The following NELL1 variants were observed in gnomAD, a reference collection of about 807,000 sequenced individuals.
NELL1 encodes the protein protein kinase C-binding protein NELL1.
NELL1 carries 76 observed loss-of-function variants against 107.4 expected under a neutral mutation model. The observed-to-expected ratio is 0.71, with a 90% CI of 0.59 to 0.86. The LOEUF is 0.86. NELL1 is among the 40% of genes least tolerant of loss of function. The probability of loss-of-function intolerance (pLI) is 0.00; values close to 1 mark genes in which losing one functional copy is unlikely to be tolerated. For synonymous variants in NELL1, 353 were observed against 341.2 expected (o/e 1.03, Z -0.38); for missense variants, 1,024 against 1,005.5 (o/e 1.02, Z -0.25).
intron 5 of NELL1, among the ~76,000 whole-genome samples, chr11:20,896,702 A>C (rs920569597): frequency 6.6e-6 from 1 of 152,208 alleles, no homozygotes; most frequent in Non-Finnish European, 1.5e-5. Context: ...CTGATAAACA[A>C]CTTCAGCAAA....
At chr11:20,806,458 G>C (rs1460985542) in intron 3 of NELL1, among the ~76,000 whole-genome samples, 1 of 151,934 alleles carries the variant, frequency 6.6e-6, no homozygotes, top group African/African-American at 2.4e-5. Context: ...TTGCCTTTAG[G>C]ATCCTTTCTT....
At chr11:21,553,811 A>G (rs575387853) in intron 16 of NELL1, among the ~76,000 whole-genome samples, 1 of 152,054 alleles carries the variant, frequency 6.6e-6, no homozygotes, top group African/African-American at 2.4e-5. Flanking sequence ...AGCTAAGCAT[A>G]CAAGAAAACA....
intron 3 of NELL1, among the ~76,000 whole-genome samples, chr11:20,790,722 G>A (rs1455480432): frequency 6.6e-6 from 1 of 151,948 alleles, no homozygotes; most frequent in Non-Finnish European, 1.5e-5. Context: ...CTGCTCTACG[G>A]GGCAGGAGGC....
intron 12 of NELL1, among the ~76,000 whole-genome samples, chr11:21,032,720 G>A (rs959166916): frequency 1.3e-5 from 2 of 152,074 alleles, no homozygotes; most frequent in African/African-American, 4.8e-5. Flanking sequence ...ACATCTCTTT[G>A]TCTTTCTTGT....
intron 14 of NELL1, among the ~76,000 whole-genome samples, chr11:21,359,665 T>C (rs987792886): frequency 6.6e-6 from 1 of 152,134 alleles, no homozygotes; most frequent in Non-Finnish European, 1.5e-5. Flanking sequence ...AATTACTGTT[T>C]CAATCTCACT....
chr11:20,712,085 A>G (rs887952013), intron 2 of NELL1, among the ~76,000 whole-genome samples: 1 of 152,094 alleles, frequency 6.6e-6, no homozygotes, highest in Non-Finnish European at 1.5e-5. Flanking sequence ...AGGAGCACCA[A>G]TTATTCTTAG....
intron 14 of NELL1, among the ~76,000 whole-genome samples, chr11:21,359,580 ATTC>A (rs1168581349): frequency 6.6e-6 from 1 of 152,124 alleles, no homozygotes; most frequent in Non-Finnish European, 1.5e-5. Flanking sequence ...ATTGGTACCA[ATTC>A]TTCTTTCAAT....
intron 12 of NELL1, among the ~76,000 whole-genome samples, chr11:21,056,052 A>G (rs1853607501): frequency 6.6e-6 from 1 of 152,148 alleles, no homozygotes; most frequent in African/African-American, 2.4e-5. Flanking sequence ...GGATTAATGC[A>G]TTTAATCTTC....
In NELL1 at chr11:21,570,925, G is replaced by A. The variant is rs1261855600; in HGVS notation, c.2142G>A (p.Gln714=). 6 of 1,611,266 alleles carry A rather than the reference G, an allele frequency of 3.7e-6. No individual in the cohort carries two copies. The African/African-American group carries it at 5.4e-5, about 14-fold the overall frequency. ...GAGACAATTGGACCCATAGCTGTCA[G>A]CAGTGTCGGTGTCTGGTATGTTGGC... The part of the protein sequence containing the change: ...RSGDNWTHSC[Q]QCRCLEGEVD... Residue 714 remains glutamine, a synonymous_variant, in exon 18 of 20, where the codon CAG becomes CAA. Transcript: ENST00000357134.
intron 2 of NELL1, among the ~76,000 whole-genome samples, chr11:20,691,745 C>CT (rs1208806090): frequency 2.0e-5 from 3 of 151,696 alleles, no homozygotes; most frequent in Non-Finnish European, 2.9e-5. Flanking sequence ...CTAAAATTCT[C>CT]TTTTTTGGTT....
chr11:21,460,859 G>A (rs1457188206), intron 15 of NELL1, among the ~76,000 whole-genome samples: 1 of 152,084 alleles, frequency 6.6e-6, no homozygotes, highest in African/African-American at 2.4e-5. Context: ...GAGGCAAATA[G>A]GTGAACGAGA....
chr11:20,910,287 T>A (rs1850097785), intron 5 of NELL1, among the ~76,000 whole-genome samples: 1 of 152,186 alleles, frequency 6.6e-6, no homozygotes, highest in Non-Finnish European at 1.5e-5. Context: ...TGGCACACCA[T>A]CACTTCCACA....
chr11:21,559,574 C>A (rs1856803139), intron 16 of NELL1, among the ~76,000 whole-genome samples: 1 of 152,060 alleles, frequency 6.6e-6, no homozygotes, highest in African/African-American at 2.4e-5. Context: ...TATGCACGGG[C>A]AAATATTCTG....
chr11:21,404,015 C>T (rs1048645918), intron 15 of NELL1, among the ~76,000 whole-genome samples: 3 of 116,954 alleles, frequency 2.6e-5, no homozygotes, highest in African/African-American at 9.4e-5. Context: ...ACCCCCCCCC[C>T]CGCAATCAAA....
chr11:20,756,476 CT>C (rs1173431177), intron 2 of NELL1, among the ~76,000 whole-genome samples: 1 of 148,972 alleles, frequency 6.7e-6, no homozygotes, highest in East Asian at 2.0e-4. Context: ...GTAGCTGGGA[CT>C]TATAGGCACC....
At chr11:21,469,631 C>A (rs1030197345) in intron 15 of NELL1, among the ~76,000 whole-genome samples, 2 of 151,962 alleles carry the variant, frequency 1.3e-5, no homozygotes, top group African/African-American at 4.8e-5. Context: ...AATTAAAGAC[C>A]ATCTATATGC....
At chr11:21,117,543 G>T (rs942025260) in intron 13 of NELL1, among the ~76,000 whole-genome samples, 1 of 151,992 alleles carries the variant, frequency 6.6e-6, no homozygotes, top group African/African-American at 2.4e-5. Flanking sequence ...TATAGTGAAC[G>T]TCAACTAATA....
intron 5 of NELL1, among the ~76,000 whole-genome samples, chr11:20,885,858 T>C (rs761674814): frequency 6.6e-6 from 1 of 152,218 alleles, no homozygotes; most frequent in Non-Finnish European, 1.5e-5. Context: ...CTCAAAATGT[T>C]GACCTCCCAA....
At chr11:21,272,118 G>C (rs1306468345) in intron 14 of NELL1, among the ~76,000 whole-genome samples, 1 of 152,216 alleles carries the variant, frequency 6.6e-6, no homozygotes, top group Admixed American at 6.5e-5. Context: ...GCCTCACCCA[G>C]GAAGCGCAAG....
Sources: gnomAD v4.1 joint callset for allele counts (sites outside exome capture counted in the v4.1 genomes callset) on GRCh38, gnomAD v4.1.1 for gene constraint, MANE v1.5 for transcripts, NCBI Gene and HGNC (gene_info 2026-07-23, HGNC 2026-07-21) for gene names.